N4BP2: variants seen among roughly 807,000 people sequenced by gnomAD.
N4BP2 encodes the protein NEDD4 binding protein 2, also known as NEDD4-binding protein 2.
A neutral mutation model predicts 152.8 loss-of-function variants in N4BP2; 91 were observed. That is an observed-to-expected ratio of 0.60 (90% CI 0.50 to 0.71). N4BP2 has a LOEUF of 0.71. N4BP2 is among the 30% of genes least tolerant of loss of function. The probability of loss-of-function intolerance (pLI) is 0.00; values close to 1 mark genes in which losing one functional copy is unlikely to be tolerated. For synonymous variants in N4BP2, 646 were observed against 705.3 expected (o/e 0.92, Z 1.33); for missense variants, 1,923 against 2,059.1 (o/e 0.93, Z 1.28).
intron 1 of N4BP2, among the ~76,000 whole-genome samples, chr4:40,065,497 A>G (rs1412860586): frequency 6.6e-6 from 1 of 152,184 alleles, no homozygotes. Flanking sequence ...AGTGAGCAGA[A>G]GGCAGAAAGT....
rs960487371 is a variant in N4BP2 at position 40,155,731 on chromosome 4, A to G, written c.*1494A>G. On this transcript the variant is annotated 3_prime_UTR_variant, in exon 18 of 18. Transcript: ENST00000261435. ...GCTTAAAAAAAAATTTGGATCAGAA[A>G]TTATAGGATTGAGCTGGTACCAAAA... 1 of 152,232 alleles carries G rather than the reference A, an allele frequency of 6.6e-6. No homozygotes were observed. The highest frequency in any genetic ancestry group is 2.4e-5 in the African/African-American group (1 of 41,468). The allele number at this position is 152,232 out of a possible 1,614,324, so 9.4% of individuals were successfully genotyped here.
chr4:40,142,617 C>A (rs1216229553), intron 14 of N4BP2, 56 bp from the exon 15 acceptor site: 1 of 1,289,220 alleles, frequency 7.8e-7, no homozygotes, highest in Non-Finnish European at 1.1e-6. Context: ...AGGTGTAAGG[C>A]ATGAGTTTTT....
chr4:40,099,259 T>A (rs1289434238), intron 3 of N4BP2, among the ~76,000 whole-genome samples: 1 of 152,208 alleles, frequency 6.6e-6, no homozygotes, highest in Admixed American at 6.5e-5. Flanking sequence ...TTTTGTTTTT[T>A]GAGACGGAGT....
At chr4:40,132,883 T>G (rs781117188) in intron 13 of N4BP2, among the ~76,000 whole-genome samples, 76 of 151,940 alleles carry the variant, frequency 5.0e-4, no homozygotes, top group Non-Finnish European at 1.0e-3. Context: ...ACTAATTCAT[T>G]GGTATTTTTA....
chr4:40,145,221 TG>T (rs368330806), intron 16 of N4BP2, among the ~76,000 whole-genome samples: 29 of 151,106 alleles, frequency 1.9e-4, no homozygotes, highest in African/African-American at 2.4e-4. Flanking sequence ...GTAGTTTTTT[TG>T]TTTGTTTGTT....
intron 5 of N4BP2, among the ~76,000 whole-genome samples, chr4:40,111,036 T>C (rs1716829633): frequency 6.6e-6 from 1 of 152,204 alleles, no homozygotes; most frequent in Non-Finnish European, 1.5e-5. Flanking sequence ...TAATGTTTTC[T>C]TTATTTCAGA....
intron 17 of N4BP2, 77 bp from the exon 18 acceptor site, chr4:40,154,115 G>A: frequency 1.0e-6 from 1 of 994,580 alleles, no homozygotes; most frequent in South Asian, 1.4e-5. Flanking sequence ...GTAGGTACTT[G>A]GAATTGATTA....
chr4:40,079,167 C>T (rs1213937880), intron 2 of N4BP2, among the ~76,000 whole-genome samples: 1 of 152,100 alleles, frequency 6.6e-6, no homozygotes, highest in Admixed American at 6.6e-5. Flanking sequence ...AGTGATCCTC[C>T]TGCCTCGGCC....
intron 2 of N4BP2, among the ~76,000 whole-genome samples, chr4:40,079,062 C>T (rs1166716065): frequency 6.6e-6 from 1 of 152,014 alleles, no homozygotes; most frequent in East Asian, 1.9e-4. Context: ...GTTGGGATTA[C>T]AAGTGTGCAC....
chr4:40,102,463 T>C lies in N4BP2; in HGVS notation c.618T>C (p.Ser206=). The change falls in exon 4 of 18, where the codon TCT becomes TCC. Residue 206 remains serine, a synonymous_variant. Coordinates refer to ENST00000261435, the MANE Select transcript of N4BP2 (RefSeq NM_018177.6). ...MNLNGENLEN[S]GSTLSLNPLP... is the part of the protein sequence containing the mutation. ...TGAACGGTGAAAATTTAGAGAATTC[T>C]GGTTCTACTTTAAGTTTAAACCCAT... is the stretch of plus-strand genomic sequence containing the variant. The C allele has an allele frequency of 6.2e-7, 1 of 1,613,648 alleles. No homozygotes were observed. Among genetic ancestry groups the C allele is most frequent in the Non-Finnish European group, 8.5e-7 (1 of 1,179,894 alleles).
Position 40,139,059 on chromosome 4 carries a change from A to C in N4BP2, c.4785+1977A>C, listed in dbSNP as rs143356184. Among the ~76,000 whole-genome samples, 361 of 152,258 alleles carry C rather than the reference A, an allele frequency of 2.4e-3. 1 individual carries two copies. The highest frequency in any genetic ancestry group is 8.2e-3 in the African/African-American group (342 of 41,560). On this transcript the variant is annotated intron_variant, in intron 14 of 17. Coordinates refer to ENST00000261435, the MANE Select transcript of N4BP2 (RefSeq NM_018177.6). ...TCATGAAATGGAGTATCTTTCAGTT[A>C]TTTAGGTCTTCTTTAATTTCCTTCA...
At chr4:40,059,258 T>G (rs1369076145) in intron 1 of N4BP2, among the ~76,000 whole-genome samples, 2 of 151,120 alleles carry the variant, frequency 1.3e-5, no homozygotes, top group Non-Finnish European at 2.9e-5. Context: ...GCTATCTACC[T>G]TCTTTGCTTT....
chr4:40,110,969 T>C (rs1222923823), intron 5 of N4BP2, among the ~76,000 whole-genome samples: 2 of 152,256 alleles, frequency 1.3e-5, no homozygotes, highest in African/African-American at 4.8e-5. Context: ...TAATTTCCTG[T>C]ATGGTCTAAT....
At chr4:40,134,799 A>G (rs1188491108) in intron 13 of N4BP2, among the ~76,000 whole-genome samples, 1 of 151,960 alleles carries the variant, frequency 6.6e-6, no homozygotes, top group African/African-American at 2.4e-5. Flanking sequence ...ATAGCAAAAT[A>G]CCACATTATT....
intron 16 of N4BP2, 107 bp from the exon 17 acceptor site, chr4:40,152,673 A>G (rs1281139636): frequency 3.1e-6 from 4 of 1,301,748 alleles, no homozygotes; most frequent in African/African-American, 1.5e-5. Flanking sequence ...GCAAACCCCA[A>G]AATCCTCATG....
At chr4:40,179,295 G>A in the N4BP2 span, among the ~76,000 whole-genome samples, 2 of 152,080 alleles carry the variant, frequency 1.3e-5, no homozygotes, top group African/African-American at 4.8e-5. Flanking sequence ...GCATGAACCC[G>A]GGAGGCAGAG....
chr4:40,144,795 C>G lies in N4BP2; in HGVS notation c.5138C>G (p.Thr1713Ser), dbSNP rs139228666. ...EHLMRVLEKK[T>S]EEFKQNGGKP... is the part of the protein sequence containing the mutation. Reference sequence around the variant, plus strand: ...TTGATGAGAGTTTTAGAGAAGAAGACTGAAGGTAGGACTGTGGTAATCACA... The same window carrying G: ...TTGATGAGAGTTTTAGAGAAGAAGAGTGAAGGTAGGACTGTGGTAATCACA... Residue 1713 changes from threonine to serine, a missense_variant, in exon 16 of 18, where the codon ACT becomes AGT. Transcript: ENST00000261435. The G allele has an allele frequency of 1.5e-4, 234 of 1,609,344 alleles. No individual in the cohort carries two copies. The African/African-American group carries it at 2.6e-3, about 18-fold the overall frequency.
At chr4:40,165,077 T>C in the N4BP2 span, among the ~76,000 whole-genome samples, 1 of 152,188 alleles carries the variant, frequency 6.6e-6, no homozygotes, top group Admixed American at 6.5e-5. Flanking sequence ...GAATTTATTT[T>C]TAAAGTACCT....
At chr4:40,160,115 C>T (rs1490264780), downstream of N4BP2, among the ~76,000 whole-genome samples, 4 of 152,054 alleles carry the variant, frequency 2.6e-5, no homozygotes, top group East Asian at 3.8e-4. Context: ...CAATCACACC[C>T]GGCCAGGGAA....
Sources: allele counts gnomAD v4.1 joint callset (sites outside exome capture counted in the v4.1 genomes callset), GRCh38; gene constraint gnomAD v4.1.1; transcripts MANE v1.5; gene names NCBI Gene and HGNC (gene_info 2026-07-23, HGNC 2026-07-21).